DCDC2: variants seen among roughly 807,000 people sequenced by gnomAD.
DCDC2 encodes doublecortin domain-containing protein 2.
Under a neutral mutation model 50.2 loss-of-function variants are expected in DCDC2, and 40 were observed. That is an observed-to-expected ratio of 0.80 (90% CI 0.62 to 1.04). The LOEUF (loss-of-function observed/expected upper bound fraction) is 1.04, where lower values mean the gene tolerates loss of function less well. DCDC2 is among the 50% of genes least tolerant of loss of function. The pLI is 0.00. For synonymous variants in DCDC2, 234 were observed against 210.6 expected, an observed-to-expected ratio of 1.11 and a Z score of -0.96; for missense variants, 570 against 581.9, an observed-to-expected ratio of 0.98 and a Z score of 0.21.
chr6:24,287,571 G>A (rs1763640259), intron 6 of DCDC2, among the ~76,000 whole-genome samples: 2 of 152,204 alleles, frequency 1.3e-5, no homozygotes, highest in Non-Finnish European at 2.9e-5. Context: ...ACTGTAAAGA[G>A]CTTGGCATAG....
At chr6:24,355,595 T>C (rs1760452747) in intron 1 of DCDC2, among the ~76,000 whole-genome samples, 1 of 152,186 alleles carries the variant, frequency 6.6e-6, no homozygotes, top group South Asian at 2.1e-4. Context: ...GTCAAGCGAC[T>C]TGCCCAAGGA....
chr6:24,314,724 A>G (rs749316020), intron 2 of DCDC2, among the ~76,000 whole-genome samples: 1 of 152,096 alleles, frequency 6.6e-6, no homozygotes, highest in Non-Finnish European at 1.5e-5. Context: ...TGCTTACTAG[A>G]TGCCACATTT....
intron 8 of DCDC2, among the ~76,000 whole-genome samples, chr6:24,204,007 T>A (rs1761649157): frequency 6.6e-6 from 1 of 152,176 alleles, no homozygotes; most frequent in African/African-American, 2.4e-5. Flanking sequence ...GGAGAGGATG[T>A]GGAGAAATAG....
intron 7 of DCDC2, among the ~76,000 whole-genome samples, chr6:24,223,791 G>C (rs182938230): frequency 1.3e-5 from 2 of 152,354 alleles, no homozygotes; most frequent in East Asian, 1.9e-4. Flanking sequence ...ACTTTGGCCA[G>C]TGTAACCACC....
At chr6:24,179,503 G>A (rs1189576818) in intron 8 of DCDC2, among the ~76,000 whole-genome samples, 65 of 123,436 alleles carry the variant, frequency 5.3e-4, no homozygotes, top group Admixed American at 3.6e-3. Flanking sequence ...AGCCGAGATC[G>A]CGCCACTGCA....
chr6:24,207,863 T>C (rs886519092), intron 7 of DCDC2, among the ~76,000 whole-genome samples: 9 of 152,198 alleles, frequency 5.9e-5, no homozygotes, highest in Non-Finnish European at 7.3e-5. Context: ...AAATTCTCTC[T>C]TCCAAAATTA....
intron 8 of DCDC2, among the ~76,000 whole-genome samples, chr6:24,200,751 C>T (rs924725005): frequency 6.6e-6 from 1 of 151,658 alleles, no homozygotes; most frequent in Non-Finnish European, 1.5e-5. Flanking sequence ...ATTCAGGAGA[C>T]TCATCTCATG....
chr6:24,219,375 A>G (rs1172184541), intron 7 of DCDC2, among the ~76,000 whole-genome samples: 1 of 152,246 alleles, frequency 6.6e-6, no homozygotes, highest in Non-Finnish European at 1.5e-5. Context: ...ATGAACTACT[A>G]GAACCTGCAT....
At chr6:24,264,518 T>C (rs1763076974) in intron 7 of DCDC2, among the ~76,000 whole-genome samples, 1 of 152,190 alleles carries the variant, frequency 6.6e-6, no homozygotes, top group Non-Finnish European at 1.5e-5. Flanking sequence ...TCTCTTTCCT[T>C]GTTTGTTTTT....
intron 7 of DCDC2, among the ~76,000 whole-genome samples, chr6:24,238,009 A>G (rs928666003): frequency 4.0e-5 from 6 of 149,014 alleles, no homozygotes; most frequent in African/African-American, 1.5e-4. Context: ...ATGTACCCCA[A>G]ACCATAGCAT....
At chr6:24,200,648 A>C (rs1761564967) in intron 8 of DCDC2, among the ~76,000 whole-genome samples, 1 of 152,198 alleles carries the variant, frequency 6.6e-6, no homozygotes, top group African/African-American at 2.4e-5. Flanking sequence ...CACACATAAC[A>C]ATATTAACCT....
intron 5 of DCDC2, among the ~76,000 whole-genome samples, chr6:24,290,465 A>C: frequency 6.6e-6 from 1 of 152,186 alleles, no homozygotes; most frequent in East Asian, 1.9e-4. Flanking sequence ...TATTTGCATA[A>C]GTGGGATTAT....
chr6:24,357,739 G>C lies in DCDC2; in HGVS notation c.12C>G (p.Ser4Arg), dbSNP rs754074170. The C allele has an allele frequency of 6.2e-7, 1 of 1,612,222 alleles. No homozygotes were observed. The highest frequency in any genetic ancestry group is 1.7e-5 in the Admixed American group (1 of 59,980). The change falls in exon 1 of 10, where the codon AGC becomes AGG. Residue 4 changes from serine to arginine, a missense_variant. Coordinates refer to ENST00000378454, the MANE Select transcript of DCDC2 (RefSeq NM_016356.5). MSGSSARSSHLSQP... is the reference protein window; with the variant it reads MSGRSARSSHLSQP... ...GAGACAGGTGGCTGGACCTGGCGCT[G>C]CTGCCGCTCATCTTCCCCGCTGGCC...
chr6:24,337,079 C>T (rs1760069297), intron 2 of DCDC2, among the ~76,000 whole-genome samples: 1 of 152,118 alleles, frequency 6.6e-6, no homozygotes, highest in Non-Finnish European at 1.5e-5. Context: ...CTTCAAGTTG[C>T]GTTTTTTGCT....
chr6:24,327,029 T>A (rs952450436), intron 2 of DCDC2, among the ~76,000 whole-genome samples: 2 of 149,496 alleles, frequency 1.3e-5, no homozygotes, highest in Admixed American at 6.7e-5. Context: ...GCTCAGCACC[T>A]GGCAAATTGG....
chr6:24,224,058 C>T (rs1243996241), intron 7 of DCDC2, among the ~76,000 whole-genome samples: 1 of 151,454 alleles, frequency 6.6e-6, no homozygotes, highest in African/African-American at 2.4e-5. Flanking sequence ...TCCCGCCAAC[C>T]CTCTCAAGAC....
At chr6:24,276,346 G>C (rs141665407) in intron 7 of DCDC2, among the ~76,000 whole-genome samples, 2,195 of 151,776 alleles carry the variant, frequency 0.014, 17 homozygotes, top group Middle Eastern at 0.044. Flanking sequence ...AGTAAGGATT[G>C]GGATTTTCAT....
chr6:24,206,652 T>A (rs937048543), intron 7 of DCDC2, among the ~76,000 whole-genome samples: 2 of 152,186 alleles, frequency 1.3e-5, no homozygotes, highest in Non-Finnish European at 2.9e-5. Context: ...TTTAACTGTA[T>A]CCAAGCGGAG....
At chr6:24,271,072 T>C (rs1408803985) in intron 7 of DCDC2, among the ~76,000 whole-genome samples, 1 of 151,412 alleles carries the variant, frequency 6.6e-6, no homozygotes, top group Non-Finnish European at 1.5e-5. Flanking sequence ...AATACAAAAA[T>C]TAGCCTTGTG....
Sources: allele counts gnomAD v4.1 joint callset (sites outside exome capture counted in the v4.1 genomes callset), GRCh38; gene constraint gnomAD v4.1.1; transcripts MANE v1.5; gene names NCBI Gene and HGNC (gene_info 2026-07-23, HGNC 2026-07-21).